DNER: variants seen among roughly 807,000 people sequenced by gnomAD.
DNER encodes the protein delta and Notch-like epidermal growth factor-related receptor.
DNER carries 33 observed loss-of-function variants against 78.2 expected under a neutral mutation model. That is an observed-to-expected ratio of 0.42 (90% confidence interval 0.32 to 0.56). DNER has a LOEUF of 0.56. Among genes scored for constraint, DNER ranks in the 20% least tolerant of loss-of-function variants. The probability of loss-of-function intolerance (pLI) is 0.11; values close to 1 mark genes in which losing one functional copy is unlikely to be tolerated. For missense variants in DNER, 918 were observed against 975.3 expected, an observed-to-expected ratio of 0.94 and a Z score of 0.78; for synonymous variants, 417 against 384.8, an observed-to-expected ratio of 1.08 and a Z score of -0.98.
chr2:229,665,124 T>G (rs1419184669), intron 1 of DNER, among the ~76,000 whole-genome samples: 2 of 152,004 alleles, frequency 1.3e-5, no homozygotes, highest in African/African-American at 4.8e-5. Context: ...ATATAACAGC[T>G]GAGGAGAATG....
intron 9 of DNER, among the ~76,000 whole-genome samples, chr2:229,413,157 T>G (rs894872502): frequency 6.6e-6 from 1 of 152,028 alleles, no homozygotes; most frequent in African/African-American, 2.4e-5. Flanking sequence ...GAGTCTTACA[T>G]TATTATTATA....
intron 7 of DNER, among the ~76,000 whole-genome samples, chr2:229,463,490 G>A (rs1485047360): frequency 2.6e-5 from 4 of 152,092 alleles, no homozygotes; most frequent in Non-Finnish European, 5.9e-5. Flanking sequence ...TCCCAGGCTG[G>A]AGTATAGTGG....
chr2:229,615,268 A>G (rs889763368), intron 1 of DNER, among the ~76,000 whole-genome samples: 1 of 151,744 alleles, frequency 6.6e-6, no homozygotes, highest in South Asian at 2.1e-4. Flanking sequence ...AAAATTAGCC[A>G]GGCGTGGTGG....
intron 1 of DNER, among the ~76,000 whole-genome samples, chr2:229,592,226 C>CTTTGACAT (rs1697623108): frequency 6.6e-6 from 1 of 152,202 alleles, no homozygotes; most frequent in East Asian, 1.9e-4. Flanking sequence ...AAGATGCCAA[C>CTTTGACAT]TTTGACATTT....
intron 2 of DNER, 49 bp from the exon 3 acceptor site, chr2:229,588,537 T>A (rs1383370291): frequency 6.5e-7 from 1 of 1,539,550 alleles, no homozygotes; most frequent in Non-Finnish European, 8.9e-7. Flanking sequence ...GTTTATAGTA[T>A]AACATAATGT....
intron 5 of DNER, among the ~76,000 whole-genome samples, chr2:229,542,633 T>C (rs2154213094): frequency 6.6e-6 from 1 of 152,234 alleles, no homozygotes; most frequent in South Asian, 2.1e-4. Context: ...GGTGGAAGGT[T>C]GGACTATATA....
chr2:229,576,922 C>T (rs1417217659), intron 4 of DNER, among the ~76,000 whole-genome samples: 1 of 152,032 alleles, frequency 6.6e-6, no homozygotes, highest in South Asian at 2.1e-4. Flanking sequence ...TCTGAGCTGG[C>T]CTTGGTATCT....
chr2:229,405,938 A>G (rs966528752), intron 10 of DNER, among the ~76,000 whole-genome samples: 3 of 152,308 alleles, frequency 2.0e-5, no homozygotes, highest in African/African-American at 7.2e-5. Flanking sequence ...TCCACTGGTG[A>G]GTATAAATGT....
intron 6 of DNER, among the ~76,000 whole-genome samples, chr2:229,511,018 A>G (rs182312764): frequency 1.7e-4 from 26 of 152,322 alleles, no homozygotes; most frequent in African/African-American, 6.3e-4. Flanking sequence ...ACACACAATG[A>G]AAGAATATAC....
chr2:229,433,551 A>G (rs894294120), intron 8 of DNER, among the ~76,000 whole-genome samples: 1 of 152,242 alleles, frequency 6.6e-6, no homozygotes. Flanking sequence ...TCCTCACTGT[A>G]TGACTAGGAG....
chr2:229,476,758 A>G (rs1335531704), intron 7 of DNER, among the ~76,000 whole-genome samples: 1 of 152,060 alleles, frequency 6.6e-6, no homozygotes, highest in Non-Finnish European at 1.5e-5. Context: ...ATTTTCTAAG[A>G]CATTATGAAG....
At chr2:229,532,626 G>A (rs1157490159) in intron 5 of DNER, among the ~76,000 whole-genome samples, 1 of 152,214 alleles carries the variant, frequency 6.6e-6, no homozygotes, top group Non-Finnish European at 1.5e-5. Flanking sequence ...CAGGCCCTGG[G>A]TGGAACCCAA....
Position 229,591,679 on chromosome 2 carries a change from A to G in DNER, c.486T>C (p.Pro162=). Residue 162 remains proline (P), a synonymous_variant, in exon 2 of 13, where the codon CCT becomes CCC. Transcript: ENST00000341772. This position sits in a 1 kb window ranked among gnomAD's most constrained non-coding sequence, Gnocchi z 4.6. ...CCTGAGAGCGAGGCAGGATTTTGTC[A>G]GGCTCCTGAGTAGCAGGAACAGGCT... ...QLQPVPATQE[P]DKILPRSQAT... The G allele has an allele frequency of 1.2e-6, 2 of 1,614,208 alleles. No homozygotes were observed. Among genetic ancestry groups the G allele is most frequent in the South Asian group, 1.1e-5 (1 of 91,076 alleles).
intron 4 of DNER, among the ~76,000 whole-genome samples, chr2:229,578,497 GAC>G (rs1026102286): frequency 5.9e-5 from 9 of 152,160 alleles, no homozygotes; most frequent in Non-Finnish European, 1.2e-4. Context: ...AGCTAAAATA[GAC>G]ACACACAGAA....
intron 1 of DNER, among the ~76,000 whole-genome samples, chr2:229,658,891 T>C (rs888457870): frequency 6.6e-6 from 1 of 152,156 alleles, no homozygotes; most frequent in African/African-American, 2.4e-5. Context: ...TAAATTATAA[T>C]AGAAGGTTTG....
At chr2:229,617,702 C>G (rs1008958009) in intron 1 of DNER, among the ~76,000 whole-genome samples, 6 of 152,110 alleles carry the variant, frequency 3.9e-5, no homozygotes, top group African/African-American at 1.4e-4. Context: ...GCCTATAATC[C>G]CTGCACTTTG....
At chr2:229,659,109 G>A (rs1284262515) in intron 1 of DNER, among the ~76,000 whole-genome samples, 3 of 152,084 alleles carry the variant, frequency 2.0e-5, no homozygotes, top group Non-Finnish European at 4.4e-5. Context: ...CAGCTGCAAG[G>A]GTACCCGGCA....
At chr2:229,539,859 C>A (rs1696478530) in intron 5 of DNER, among the ~76,000 whole-genome samples, 1 of 152,178 alleles carries the variant, frequency 6.6e-6, no homozygotes, top group Non-Finnish European at 1.5e-5. Context: ...TCTCCCACAG[C>A]ACACAACACA....
At chr2:229,533,952 G>A (rs938117614) in intron 5 of DNER, among the ~76,000 whole-genome samples, 2 of 152,308 alleles carry the variant, frequency 1.3e-5, no homozygotes, top group Admixed American at 6.5e-5. Context: ...TTTTGATATT[G>A]TAAAATGAAA....
Sources: gnomAD v4.1 joint callset for allele counts (sites outside exome capture counted in the v4.1 genomes callset) on GRCh38, gnomAD v4.1.1 for gene constraint, Gnocchi (gnomAD v3.1) non-coding constraint, MANE v1.5 for transcripts, NCBI Gene and HGNC (gene_info 2026-07-23, HGNC 2026-07-21) for gene names.